EDDM13: variants seen among roughly 807,000 people sequenced by gnomAD.
EDDM13 encodes the protein epididymal protein 13.
Under a neutral mutation model 17.8 loss-of-function variants are expected in EDDM13, and 24 were observed. The observed-to-expected ratio is 1.35, with a 90% CI of 0.98 to 1.90. The LOEUF is 1.90. Ranked by LOEUF, EDDM13 falls within the 40% of genes most tolerant of loss-of-function variation. The pLI is 0.00. For synonymous variants in EDDM13, 31 were observed against 37.5 expected (o/e 0.83, Z 0.63); for missense variants, 97 against 100.8 (o/e 0.96, Z 0.16).
chr19:56,273,851 A>G (rs1329623365), intron 1 of EDDM13, among the ~76,000 whole-genome samples: 1 of 152,074 alleles, frequency 6.6e-6, no homozygotes, highest in African/African-American at 2.4e-5. Flanking sequence ...AAGGAGTGTC[A>G]TATTTAGGAG....
At chr19:56,304,860 C>T in intron 14 of EDDM13, 30 bp downstream of exon 14, 2 of 944,968 alleles carry the variant, frequency 2.1e-6, no homozygotes, top group Non-Finnish European at 2.5e-6. Context: ...TGGGCTTTTC[C>T]CACCGCTGGG....
At chr19:56,295,555 A>C (rs982858542) in intron 9 of EDDM13, among the ~76,000 whole-genome samples, 4 of 152,136 alleles carry the variant, frequency 2.6e-5, no homozygotes, top group African/African-American at 9.7e-5. Flanking sequence ...AGATCGTCCC[A>C]CTGCACCCCA....
chr19:56,302,627 C>CTTTTCT (rs2040409533), intron 13 of EDDM13, among the ~76,000 whole-genome samples: 2 of 125,732 alleles, frequency 1.6e-5, no homozygotes, highest in Non-Finnish European at 3.4e-5. Context: ...TCCTCCCTCC[C>CTTTTCT]TCCTCCTCCC....
At chr19:56,294,769 G>A (rs1271475247) in intron 9 of EDDM13, among the ~76,000 whole-genome samples, 1 of 152,224 alleles carries the variant, frequency 6.6e-6, no homozygotes, top group Admixed American at 6.5e-5. Context: ...TAAATAAAAT[G>A]TGTCTATTCA....
At chr19:56,282,858 A>G (rs1421119186) in intron 4 of EDDM13, 1 of 152,278 alleles carries the variant, frequency 6.6e-6, no homozygotes, top group Admixed American at 6.5e-5. Context: ...GAGGTCAGGT[A>G]GTAAAAGCCA....
chr19:56,287,462 A>G (rs535222032), intron 6 of EDDM13, among the ~76,000 whole-genome samples: 2 of 152,164 alleles, frequency 1.3e-5, no homozygotes, highest in African/African-American at 2.4e-5. Flanking sequence ...TTTAACAAGC[A>G]CAATAATTCA....
chr19:56,301,899 C>T, intron 12 of EDDM13, 69 bp from the exon 13 acceptor site: 2 of 1,231,062 alleles, frequency 1.6e-6, no homozygotes, highest in South Asian at 4.1e-5. Context: ...GGAGAGACAG[C>T]AGTGACAGGA....
intron 12 of EDDM13, among the ~76,000 whole-genome samples, chr19:56,301,080 C>G (rs182309797): frequency 2.8e-4 from 43 of 151,992 alleles, no homozygotes; most frequent in Admixed American, 1.2e-3. Context: ...AAAGGGGTCC[C>G]GATCAAGACC....
intron 3 of EDDM13, among the ~76,000 whole-genome samples, 183 bp from the exon 4 acceptor site, chr19:56,282,308 A>G (rs765764318): frequency 3.9e-5 from 6 of 152,168 alleles, no homozygotes; most frequent in Non-Finnish European, 7.3e-5. Flanking sequence ...AAGGGGTCCA[A>G]TGCACTTAGA....
At chr19:56,287,303 A>G in intron 6 of EDDM13, among the ~76,000 whole-genome samples, 1 of 152,196 alleles carries the variant, frequency 6.6e-6, no homozygotes, top group East Asian at 1.9e-4. Flanking sequence ...GAAACCTATG[A>G]CTGAGTTTTG....
intron 12 of EDDM13, among the ~76,000 whole-genome samples, chr19:56,298,857 A>T (rs935711015): frequency 2.6e-5 from 4 of 152,224 alleles, no homozygotes; most frequent in African/African-American, 9.6e-5. Flanking sequence ...GGACAGAATA[A>T]CCTTGATAAA....
At position 56,272,825 on chromosome 19, in the gene EDDM13, C is replaced by T; in HGVS notation, c.-10C>T. 1.9e-5 allele frequency: 19 copies of T among 982,118 alleles called. No homozygotes were observed. The highest frequency in any genetic ancestry group is 2.3e-5 in the Non-Finnish European group (19 of 826,986). 60.8% of individuals were successfully genotyped at this position (982,118 alleles called of 1,614,324 possible). ...GGAGGAGAACATTCAGCCCAAATCC[C>T]AGCCCCATCATGCACAGATCAGAGC... On this transcript the variant is annotated 5_prime_UTR_variant, in exon 1 of 15. Transcript: ENST00000649256.
intron 2 of EDDM13, among the ~76,000 whole-genome samples, chr19:56,277,422 G>C (rs1040775444): frequency 6.6e-6 from 1 of 152,004 alleles, no homozygotes; most frequent in African/African-American, 2.4e-5. Flanking sequence ...CTCAGTGAAA[G>C]ATGCCAGTGA....
At chr19:56,288,638 G>A (rs1361317234) in intron 7 of EDDM13, among the ~76,000 whole-genome samples, 200 bp downstream of exon 7, 1 of 152,328 alleles carries the variant, frequency 6.6e-6, no homozygotes, top group South Asian at 2.1e-4. Context: ...CCAGCACACA[G>A]GAGATGCCTC....
At chr19:56,284,803 G>A (rs73052122) in intron 5 of EDDM13, among the ~76,000 whole-genome samples, 195 bp from the exon 6 acceptor site, 3,098 of 152,234 alleles carry the variant, frequency 0.02, 43 homozygotes, top group South Asian at 0.042. Flanking sequence ...CTGAGCCACT[G>A]CGCCTGGCCT....
At chr19:56,281,058 T>G (rs762432547) in intron 2 of EDDM13, among the ~76,000 whole-genome samples, 5 of 152,236 alleles carry the variant, frequency 3.3e-5, no homozygotes, top group African/African-American at 1.2e-4. Flanking sequence ...AAACAGTAGA[T>G]TAACATATAT....
chr19:56,305,051 C>T (rs978194824), intron 14 of EDDM13, among the ~76,000 whole-genome samples: 4 of 152,098 alleles, frequency 2.6e-5, no homozygotes, highest in African/African-American at 7.2e-5. Context: ...AGGGATGTGC[C>T]GGGCAGGAGG....
chr19:56,276,374 AAG>A (rs2038253874), intron 2 of EDDM13, among the ~76,000 whole-genome samples: 2 of 152,166 alleles, frequency 1.3e-5, no homozygotes, highest in Non-Finnish European at 2.9e-5. Context: ...TTTATCAGGG[AAG>A]AGAGACTTCG....
At chr19:56,276,729 G>A (rs1467000665) in intron 2 of EDDM13, among the ~76,000 whole-genome samples, 1 of 151,740 alleles carries the variant, frequency 6.6e-6, no homozygotes, top group East Asian at 1.9e-4. Context: ...TATAGACGGG[G>A]TTTCACCATG....
Sources: gnomAD v4.1 joint callset for allele counts (sites outside exome capture counted in the v4.1 genomes callset) on GRCh38, gnomAD v4.1.1 for gene constraint, MANE v1.5 for transcripts, NCBI Gene and HGNC (gene_info 2026-07-23, HGNC 2026-07-21) for gene names.